Variants in IFIT5 observed in about 807,000 individuals in gnomAD.
IFIT5 encodes the protein interferon-induced protein with tetratricopeptide repeats 5.
IFIT5 carries 2 observed loss-of-function variants against 5.0 expected under a neutral mutation model. That is an observed-to-expected ratio of 0.40 (90% CI 0.16 to 1.26). IFIT5 has a LOEUF of 1.26. Among genes scored for constraint, IFIT5 ranks in the 50% most tolerant of loss-of-function variants. The pLI is 0.33. For missense variants in IFIT5, 524 were observed against 563.2 expected (o/e 0.93, Z 0.70); for synonymous variants, 206 against 204.6 (o/e 1.01, Z -0.06).
chr10:89,418,175 C>G lies in IFIT5; in HGVS notation c.976C>G (p.His326Asp). The change falls in exon 2 of 2, where the codon CAT becomes GAT. Residue 326 changes from histidine to aspartate, a missense_variant. His to Asp is a moderately conservative substitution (Grantham distance 81). Coordinates refer to ENST00000371795, the MANE Select transcript of IFIT5 (RefSeq NM_012420.3). The part of the protein sequence containing the change: ...VDELISSAIF[H>D]FKAAMERDSM... ...TGAGCTGATTTCATCTGCTATATTT[C>G]ATTTCAAAGCAGCCATGGAACGAGA... 6.2e-7 allele frequency: 1 copy of G among 1,614,224 alleles called. No homozygotes were observed. Among genetic ancestry groups the G allele is most frequent in the South Asian group, 1.1e-5 (1 of 91,080 alleles).
In IFIT5 at chr10:89,417,407, G is replaced by T. The variant is rs753044032; in HGVS notation, c.208G>T (p.Ala70Ser). 1.2e-6 allele frequency: 2 copies of T among 1,614,108 alleles called. No homozygotes were observed. Among genetic ancestry groups the T allele is most frequent in the Non-Finnish European group, 1.7e-6 (2 of 1,180,030 alleles). The stretch of plus-strand genomic sequence containing the variant: ...ACACCTAAAAGGCCAAAATAAAGAC[G>T]CCCTTGAGTGCTTGGAACAAGCAGA... ...VKHLKGQNKD[A>S]LECLEQAEEI... The change falls in exon 2 of 2, where the codon GCC becomes TCC. Residue 70 changes from alanine to serine, a missense_variant. Ala to Ser is a moderately conservative substitution (Grantham distance 99). Coordinates refer to ENST00000371795, the MANE Select transcript of IFIT5 (RefSeq NM_012420.3).
Position 89,418,487 on chromosome 10 carries a change from C to A in IFIT5, c.1288C>A (p.His430Asn). The change falls in exon 2 of 2, where the codon CAC (histidine) becomes AAC (asparagine). Residue 430 changes from histidine to asparagine, a missense_variant. Transcript: ENST00000371795. ...LKKLSTKRLC[H>N]NALDVQSLSA... The stretch of plus-strand genomic sequence containing the variant: ...GAAATTGTCTACCAAGAGACTTTGT[C>A]ACAATGCTTTAGATGTGCAGAGTTT... 1.9e-6 allele frequency: 3 copies of A among 1,614,168 alleles called. No individual in the cohort carries two copies. The highest frequency in any genetic ancestry group is 2.5e-6 in the Non-Finnish European group (3 of 1,180,018).
rs1365563255 is a variant in IFIT5 at position 89,417,320 on chromosome 10, C to T, written c.121C>T (p.Gln41Ter). The T allele has an allele frequency of 3.7e-6, 6 of 1,614,166 alleles. No individual in the cohort carries two copies. Among genetic ancestry groups the T allele is most frequent in the Non-Finnish European group, 4.2e-6 (5 of 1,180,030 alleles). Reference protein sequence around the residue: ...LFEVEDTIGQQLEFLTTKSRL... With the variant: ...LFEVEDTIGQ ...TGAGGTAGAAGATACAATTGGGCAA[C>T]AGCTTGAATTTCTTACCACAAAATC... Residue 41 changes from glutamine (Q) to a stop codon, truncating the protein, a stop_gained, in exon 2 of 2, where the codon CAG (glutamine) becomes TAG (stop). Coordinates refer to ENST00000371795, the MANE Select transcript of IFIT5 (RefSeq NM_012420.3). LOFTEE classifies it low-confidence loss of function (END_TRUNC).
At position 89,417,785 on chromosome 10, in the gene IFIT5, GT is replaced by G; in HGVS notation, c.587del (p.Val196GlufsTer9). 1.2e-6 allele frequency: 2 copies of G among 1,614,198 alleles called. No individual in the cohort carries two copies. Among genetic ancestry groups the G allele is most frequent in the Non-Finnish European group, 1.7e-6 (2 of 1,180,028 alleles). On this transcript the variant is annotated frameshift_variant, in exon 2 of 2. Transcript: ENST00000371795. LOFTEE classifies it low-confidence loss of function (END_TRUNC). ...GGATGATTCTGATAGAGAAGGGTCT[GT>G]AAAGAGCTTTTCTCTGGGGCCTTTG... ...RLDDSDREGS[V>X]KSFSLGPLRK...
Position 89,418,062 on chromosome 10 carries a change from A to G in IFIT5, c.863A>G (p.Gln288Arg). 1 of 1,614,258 alleles carries G rather than the reference A, an allele frequency of 6.2e-7. No individual in the cohort carries two copies. Among genetic ancestry groups the G allele is most frequent in the East Asian group, 2.2e-5 (1 of 44,890 alleles). Reference sequence around the variant, plus strand: ...CCAACTTCTTCTTTCCTGCATCACCAGATGGGACTTTGCTACAGGGCACAA... The same window carrying G: ...CCAACTTCTTCTTTCCTGCATCACCGGATGGGACTTTGCTACAGGGCACAA... ...VTPTSSFLHH[Q>R]MGLCYRAQMI... The change falls in exon 2 of 2, where the codon CAG (glutamine) becomes CGG (arginine). Residue 288 changes from glutamine to arginine, a missense_variant. Gln to Arg is a conservative substitution (Grantham distance 43). Coordinates refer to ENST00000371795, the MANE Select transcript of IFIT5 (RefSeq NM_012420.3).
rs1472694065 is a variant in IFIT5, at chr10:89,419,115, G to A, written c.*467G>A. 2.6e-5 allele frequency: 4 copies of A among 152,398 alleles called. No individual in the cohort carries two copies. The highest frequency in any genetic ancestry group is 9.7e-5 in the African/African-American group (4 of 41,392). 9.4% of individuals were successfully genotyped at this position (152,398 alleles called of 1,614,324 possible). The stretch of plus-strand genomic sequence containing the variant: ...GTTACAGATGTTTTGACTTTGATGA[G>A]GATATTTAGCTATCAATCTAATAGT... On this transcript the variant is annotated 3_prime_UTR_variant, in exon 2 of 2. Coordinates refer to ENST00000371795, the MANE Select transcript of IFIT5 (RefSeq NM_012420.3).
chr10:89,418,701 C>T lies in IFIT5; in HGVS notation c.*53C>T. The T allele has an allele frequency of 1.3e-6, 2 of 1,508,404 alleles. No individual in the cohort carries two copies. Among genetic ancestry groups the T allele is most frequent in the Non-Finnish European group, 1.8e-6 (2 of 1,127,850 alleles). 93.4% of individuals were successfully genotyped at this position (1,508,404 alleles called of 1,614,324 possible). Reference sequence around the variant, plus strand: ...GTTTTTCCCTTCATTTTGGGTTCTCCTGTTTGTTTTTTTTTTATTATTTTA... The same window carrying T: ...GTTTTTCCCTTCATTTTGGGTTCTCTTGTTTGTTTTTTTTTTATTATTTTA... On this transcript the variant is annotated 3_prime_UTR_variant, in exon 2 of 2. Coordinates refer to ENST00000371795, the MANE Select transcript of IFIT5 (RefSeq NM_012420.3).
At chr10:89,416,008 C>T (rs1222535973) in intron 1 of IFIT5, among the ~76,000 whole-genome samples, 1 of 152,214 alleles carries the variant, frequency 6.6e-6, no homozygotes, top group Non-Finnish European at 1.5e-5. Context: ...CTGCAACCTC[C>T]GCCTCCCGGG....
chr10:89,418,387 C>T lies in IFIT5; in HGVS notation c.1188C>T (p.Ala396=), dbSNP rs1841564979. The part of the protein sequence containing the change: ...QEFHRKSENT[A]IHHYLEALKV... Reference sequence around the variant, plus strand: ...TTCACCGTAAATCAGAAAATACTGCCATCCATCATTATTTAGAAGCCTTAA... The same window carrying T: ...TTCACCGTAAATCAGAAAATACTGCTATCCATCATTATTTAGAAGCCTTAA... Residue 396 remains alanine, a synonymous_variant, in exon 2 of 2, where the codon GCC becomes GCT. Transcript: ENST00000371795. The T allele has an allele frequency of 6.2e-7, 1 of 1,614,174 alleles. No individual in the cohort carries two copies. Among genetic ancestry groups the T allele is most frequent in the Non-Finnish European group, 8.5e-7 (1 of 1,180,012 alleles).
rs1263070555 is a variant in IFIT5, at chr10:89,417,283, CAT to C, written c.85_86del (p.Ile29Ter). ...TTACATGGAATTTACTTAAGGAAGA[CAT>C]TGATCTGTTTGAGGTAGAAGATACA... Reference protein sequence around the residue: ...HFTWNLLKEDIDLFEVEDTIG... With the variant: ...HFTWNLLKEDXDLFEVEDTIG... On this transcript the variant is annotated frameshift_variant, in exon 2 of 2. Transcript: ENST00000371795. LOFTEE classifies it low-confidence loss of function (END_TRUNC). 1.2e-6 allele frequency: 2 copies of C among 1,614,052 alleles called. No homozygotes were observed. The highest frequency in any genetic ancestry group is 3.3e-5 in the Admixed American group (2 of 60,014).
Position 89,418,375 on chromosome 10 carries a change from A to C in IFIT5, c.1176A>C (p.Ser392=), listed in dbSNP as rs1183412867. Residue 392 remains serine (S), a synonymous_variant, in exon 2 of 2, where the codon TCA becomes TCC. Transcript: ENST00000371795. ...YGRFQEFHRK[S]ENTAIHHYLE... ...GCTTTCAGGAATTTCACCGTAAATC[A>C]GAAAATACTGCCATCCATCATTATT... is the stretch of plus-strand genomic sequence containing the variant. The C allele has an allele frequency of 6.2e-7, 1 of 1,614,230 alleles. No homozygotes were observed. The highest frequency in any genetic ancestry group is 2.2e-5 in the East Asian group (1 of 44,884).
rs948124642 is a variant in IFIT5 at position 89,417,506 on chromosome 10, G to A, written c.307G>A (p.Val103Met). Residue 103 changes from valine to methionine, a missense_variant, in exon 2 of 2, where the codon GTG becomes ATG. Physicochemically the swap from Val to Met is conservative, Grantham distance 21. Transcript: ENST00000371795. Reference protein sequence around the residue: ...SLVTWGNYAWVYYHMDQLEEA... With the variant: ...SLVTWGNYAWMYYHMDQLEEA... ...GGTCACTTGGGGAAACTATGCCTGG[G>A]TGTATTATCACATGGACCAGCTTGA... 2 of 1,614,184 alleles carry A rather than the reference G, an allele frequency of 1.2e-6. No individual in the cohort carries two copies. The highest frequency in any genetic ancestry group is 1.7e-6 in the Non-Finnish European group (2 of 1,180,032).
Position 89,414,647 on chromosome 10 carries a change from C to A in IFIT5, c.-152C>A. On this transcript the variant is annotated 5_prime_UTR_variant, in exon 1 of 2. Transcript: ENST00000371795. The stretch of plus-strand genomic sequence containing the variant: ...GCTGGGGTCTCTCCTTTAACAAAGA[C>A]ACGCCGCGCGGCCGAGTCCAGGGGC... 1.4e-6 allele frequency: 1 copy of A among 739,598 alleles called. No homozygotes were observed. The highest frequency in any genetic ancestry group is 2.0e-6 in the Non-Finnish European group (1 of 496,310). 45.8% of individuals were successfully genotyped at this position (739,598 alleles called of 1,614,324 possible). A position where few individuals can be genotyped will look rare whatever the true frequency, so the allele number is the denominator to read the frequency against.
In IFIT5 at chr10:89,414,765, G is replaced by A. The variant is rs371198188; in HGVS notation, c.-34G>A. The A allele has an allele frequency of 8.7e-6, 14 of 1,606,428 alleles. No individual in the cohort carries two copies. Among genetic ancestry groups the A allele is most frequent in the Non-Finnish European group, 1.2e-5 (14 of 1,177,446 alleles). Reference sequence around the variant, plus strand: ...TGAGGAGAGAGCGATCCGAGGGACTGCGCCGCCCGGACGGCCTGCAGAGCG... The same window carrying A: ...TGAGGAGAGAGCGATCCGAGGGACTACGCCGCCCGGACGGCCTGCAGAGCG... On this transcript the variant is annotated 5_prime_UTR_variant, in exon 1 of 2. Coordinates refer to ENST00000371795, the MANE Select transcript of IFIT5 (RefSeq NM_012420.3).
In IFIT5 at chr10:89,418,614, T is replaced by G; in HGVS notation, c.1415T>G (p.Leu472Arg). 1 of 1,613,694 alleles carries G rather than the reference T, an allele frequency of 6.2e-7. No homozygotes were observed. The highest frequency in any genetic ancestry group is 2.2e-5 in the East Asian group (1 of 44,882). Residue 472 changes from leucine (L) to arginine (R), a missense_variant, in exon 2 of 2, where the codon CTG (leucine) becomes CGG (arginine). By Grantham distance (102) the Leu-to-Arg change is moderately radical. Transcript: ENST00000371795. The part of the protein sequence containing the change: ...QKIDPENAEF[L>R]TALCELRLSI ...ATAGATCCAGAAAATGCAGAATTCC[T>G]GACTGCTCTCTGTGAGCTCCGACTT...
rs1207851437 is a variant in IFIT5, at chr10:89,414,760, G to A, written c.-39G>A. The A allele has an allele frequency of 6.2e-7, 1 of 1,605,162 alleles. No individual in the cohort carries two copies. Among genetic ancestry groups the A allele is most frequent in the East Asian group, 2.3e-5 (1 of 44,030 alleles). ...GGTGCTGAGGAGAGAGCGATCCGAG[G>A]GACTGCGCCGCCCGGACGGCCTGCA... On this transcript the variant is annotated 5_prime_UTR_variant, in exon 1 of 2. Coordinates refer to ENST00000371795, the MANE Select transcript of IFIT5 (RefSeq NM_012420.3).
chr10:89,418,816 C>G lies in IFIT5; in HGVS notation c.*168C>G, dbSNP rs1841571388. 1 of 571,464 alleles carries G rather than the reference C, an allele frequency of 1.7e-6. No homozygotes were observed. The highest frequency in any genetic ancestry group is 4.4e-5 in the South Asian group (1 of 22,730). 35.4% of individuals were successfully genotyped at this position (571,464 alleles called of 1,614,324 possible). On this transcript the variant is annotated 3_prime_UTR_variant, in exon 2 of 2. Transcript: ENST00000371795. ...ATACTTTATATGCATTATGATGAAT[C>G]TTGTGCGGTTTTCTTTCTTTTTTTC...
At position 89,417,713 on chromosome 10, in the gene IFIT5, G is replaced by C. The variant is rs762225859; in HGVS notation, c.514G>C (p.Asp172His). ...AFEKALEVEP[D>H]NPEFNIGYAI... ...TGAGAAGGCTCTGGAAGTGGAGCCT[G>C]ACAATCCAGAATTTAACATCGGCTA... Residue 172 changes from aspartate to histidine, a missense_variant, in exon 2 of 2, where the codon GAC (aspartate) becomes CAC (histidine). Asp to His is a moderately conservative substitution (Grantham distance 81, BLOSUM62 -1). Transcript: ENST00000371795. The C allele has an allele frequency of 1.2e-6, 2 of 1,614,192 alleles. No homozygotes were observed. Among genetic ancestry groups the C allele is most frequent in the Non-Finnish European group, 1.7e-6 (2 of 1,180,028 alleles).
rs1244404575 is a variant in IFIT5 at position 89,414,819 on chromosome 10, T to C, written c.5+16T>C. 1 of 1,609,126 alleles carries C rather than the reference T, an allele frequency of 6.2e-7. No individual in the cohort carries two copies. The highest frequency in any genetic ancestry group is 1.7e-5 in the Admixed American group (1 of 59,676). On this transcript the variant is annotated intron_variant, in intron 1 of 1. Coordinates refer to ENST00000371795, the MANE Select transcript of IFIT5 (RefSeq NM_012420.3). ...CCATCATGAGGTAAGGGTTTTCCTT[T>C]GCCTCTCCTCCCAAGCCCTGCGTCG...
Sources: gnomAD v4.1 joint callset for allele counts (sites outside exome capture counted in the v4.1 genomes callset) on GRCh38, gnomAD v4.1.1 for gene constraint, MANE v1.5 for transcripts, NCBI Gene and HGNC (gene_info 2026-07-23, HGNC 2026-07-21) for gene names.